CDC42BPA: variants seen among roughly 807,000 people sequenced by gnomAD.
CDC42BPA encodes serine/threonine-protein kinase MRCK alpha.
Under a neutral mutation model 223.5 loss-of-function variants are expected in CDC42BPA, and 80 were observed. The observed-to-expected ratio is 0.36, with a 90% CI of 0.30 to 0.43. The LOEUF is 0.43. Ranked by LOEUF, CDC42BPA falls within the 20% of genes least tolerant of loss-of-function variation. The pLI, the probability that CDC42BPA is intolerant of heterozygous loss-of-function variation, is 1.00. For missense variants in CDC42BPA, 1,743 were observed against 2,099.9 expected, an observed-to-expected ratio of 0.83 and a Z score of 3.32; for synonymous variants, 694 against 718.6, an observed-to-expected ratio of 0.97 and a Z score of 0.55.
intron 10 of CDC42BPA, among the ~76,000 whole-genome samples, chr1:227,138,536 A>G (rs976200440): frequency 6.6e-6 from 1 of 151,278 alleles, no homozygotes; most frequent in Non-Finnish European, 1.5e-5. Context: ...AAAAAAAAAA[A>G]AGAGAGCGTT....
At chr1:227,241,324 T>C (rs532566496) in intron 2 of CDC42BPA, among the ~76,000 whole-genome samples, 4 of 152,248 alleles carry the variant, frequency 2.6e-5, no homozygotes, top group South Asian at 2.1e-4. Context: ...CTGCCTAGCA[T>C]AGCAGTTCCA....
intron 12 of CDC42BPA, among the ~76,000 whole-genome samples, chr1:227,118,435 A>G (rs1269848337): frequency 6.6e-6 from 1 of 152,116 alleles, no homozygotes; most frequent in Admixed American, 6.5e-5. Flanking sequence ...GAGAAAAATC[A>G]TTTTCTACTG....
chr1:227,081,454 CTCTT>C (rs890244652), intron 16 of CDC42BPA, among the ~76,000 whole-genome samples: 6 of 136,174 alleles, frequency 4.4e-5, no homozygotes, highest in East Asian at 4.2e-4. Flanking sequence ...TGTTCTCTCT[CTCTT>C]TTTTTTTTTT....
intron 21 of CDC42BPA, among the ~76,000 whole-genome samples, chr1:227,061,720 C>T (rs183782455): frequency 1.9e-3 from 288 of 152,294 alleles, no homozygotes; most frequent in Middle Eastern, 6.8e-3. Flanking sequence ...CAGGTACTTT[C>T]CTAAGTAACC....
At chr1:227,260,562 A>G (rs1041406977) in intron 1 of CDC42BPA, among the ~76,000 whole-genome samples, 4 of 144,318 alleles carry the variant, frequency 2.8e-5, no homozygotes, top group African/African-American at 7.8e-5. Flanking sequence ...TGTCAGAAAG[A>G]AAGTGTCCAA....
chr1:227,011,295 A>T (rs1423320033), intron 34 of CDC42BPA, among the ~76,000 whole-genome samples: 2 of 152,194 alleles, frequency 1.3e-5, no homozygotes, highest in African/African-American at 4.8e-5. Flanking sequence ...TTTAATTAAA[A>T]TAAGTAAGGA....
At chr1:227,085,732 C>G (rs1467728821) in intron 16 of CDC42BPA, among the ~76,000 whole-genome samples, 1 of 152,240 alleles carries the variant, frequency 6.6e-6, no homozygotes, top group Non-Finnish European at 1.5e-5. Flanking sequence ...ACTGCTGGCA[C>G]ACACTGATTT....
intron 34 of CDC42BPA, among the ~76,000 whole-genome samples, chr1:227,006,949 TCAACAACAACAACAACAACAA>T (rs58305329): frequency 6.8e-6 from 1 of 148,024 alleles, no homozygotes; most frequent in Non-Finnish European, 1.5e-5. Flanking sequence ...AGACTCCGTC[TCAACAACAACAACAACAACAA>T]CAACAACAAC....
intron 15 of CDC42BPA, among the ~76,000 whole-genome samples, chr1:227,093,217 G>C (rs1205419350): frequency 2.0e-5 from 3 of 152,158 alleles, no homozygotes; most frequent in Non-Finnish European, 2.9e-5. Context: ...GGGGCCATCT[G>C]ATGTTTATGA....
At chr1:227,060,215 T>C (rs1045677701) in intron 21 of CDC42BPA, among the ~76,000 whole-genome samples, 12 of 151,942 alleles carry the variant, frequency 7.9e-5, no homozygotes, top group Non-Finnish European at 1.8e-4. Flanking sequence ...GTATTTTTAA[T>C]AGAGACGGGG....
At chr1:227,125,914 T>C (rs1689504766) in intron 11 of CDC42BPA, among the ~76,000 whole-genome samples, 1 of 152,154 alleles carries the variant, frequency 6.6e-6, no homozygotes, top group Admixed American at 6.5e-5. Context: ...ATAATAAATG[T>C]ATAATTTTAT....
intron 10 of CDC42BPA, among the ~76,000 whole-genome samples, chr1:227,129,702 C>CATATATATAT (rs1196658904): frequency 1.1e-4 from 8 of 70,916 alleles, no homozygotes; most frequent in African/African-American, 3.4e-4. Context: ...AAATCCACTG[C>CATATATATAT]ATATATATAT....
chr1:227,034,743 C>G lies in CDC42BPA; in HGVS notation c.3388G>C (p.Val1130Leu). The change falls in exon 26 of 37, where the codon GTG (valine) becomes CTG (leucine). Residue 1130 changes from valine to leucine, a missense_variant. This residue lies in a region of CDC42BPA where 678 missense variants were observed against 777.5 expected (regional missense o/e 0.87). Coordinates refer to ENST00000366766, the MANE Select transcript of CDC42BPA (RefSeq NM_001394014.1). ...TACAGAAAGAGTTTGAAGTCACACA[C>G]TATAGCCAGTGCTCTCTGCCACCCT... ...KKGWQRALAI[V>L]CDFKLFLYDI... 6.2e-7 allele frequency: 1 copy of G among 1,613,858 alleles called. No homozygotes were observed.
intron 2 of CDC42BPA, among the ~76,000 whole-genome samples, chr1:227,227,990 A>C (rs979242707): frequency 6.6e-6 from 1 of 152,204 alleles, no homozygotes; most frequent in African/African-American, 2.4e-5. Context: ...ATTCTTGTCT[A>C]CTTGTTCTAT....
At chr1:227,118,371 G>C (rs1688100543) in intron 12 of CDC42BPA, among the ~76,000 whole-genome samples, 1 of 152,024 alleles carries the variant, frequency 6.6e-6, no homozygotes, top group Non-Finnish European at 1.5e-5. Flanking sequence ...ACATCTATTG[G>C]AATGGCTATT....
chr1:227,223,126 A>T (rs181902202), intron 2 of CDC42BPA, among the ~76,000 whole-genome samples: 3 of 152,322 alleles, frequency 2.0e-5, no homozygotes, highest in East Asian at 3.9e-4. Flanking sequence ...ACGTATGTTA[A>T]AAGTTTTTTT....
In CDC42BPA at chr1:227,132,532, C is replaced by A. The variant is rs1268131013; in HGVS notation, c.1391-3301G>T. ...TTGGCCTCCCAAAGAGCCGAGATTG[C>A]AGCCTCTGCCTGGCTGCCACCCCGT... On this transcript the variant is annotated intron_variant, in intron 10 of 36. Transcript: ENST00000366766. 5.0e-5 allele frequency among the ~76,000 whole-genome samples: 7 copies of A among 138,708 alleles called. 1 individual carries two copies. The highest frequency in any genetic ancestry group is 7.9e-5 in the Non-Finnish European group (5 of 63,172). The allele number at this position is 138,708 out of a possible 152,430, so 91.0% of individuals were successfully genotyped here. A position where few individuals can be genotyped will look rare whatever the true frequency, so the allele number is the denominator to read the frequency against.
intron 1 of CDC42BPA, among the ~76,000 whole-genome samples, chr1:227,288,560 G>A (rs574500935): frequency 2.3e-4 from 35 of 152,120 alleles, no homozygotes; most frequent in African/African-American, 7.9e-4. Flanking sequence ...TTAGCCGGGC[G>A]TGGTGCACAC....
chr1:227,083,791 G>A (rs1237142100), intron 16 of CDC42BPA, among the ~76,000 whole-genome samples: 1 of 152,182 alleles, frequency 6.6e-6, no homozygotes, highest in East Asian at 1.9e-4. Context: ...GAGGACTCAT[G>A]TTTCTTACTC....
Sources: gnomAD v4.1 joint callset for allele counts (sites outside exome capture counted in the v4.1 genomes callset) on GRCh38, gnomAD v4.1.1 for gene constraint, gnomAD v4.1.1 regional missense constraint, MANE v1.5 for transcripts, NCBI Gene and HGNC (gene_info 2026-07-23, HGNC 2026-07-21) for gene names.